CACNA1E: variants seen among roughly 807,000 people sequenced by gnomAD.
CACNA1E encodes calcium voltage-gated channel subunit alpha1 E, also known as voltage-dependent R-type calcium channel subunit alpha-1E.
CACNA1E carries 40 observed loss-of-function variants against 259.2 expected under a neutral mutation model. The ratio of observed to expected loss-of-function variants is 0.15; its 90% CI spans 0.12 to 0.20. The LOEUF (loss-of-function observed/expected upper bound fraction) is 0.20, where lower values mean the gene tolerates loss of function less well. CACNA1E is among the 10% of genes least tolerant of loss of function. The pLI is 1.00. For synonymous variants in CACNA1E, 1,104 were observed against 1,138.5 expected (o/e 0.97, Z 0.61); for missense variants, 1,874 against 3,040.1 (o/e 0.62, Z 9.02).
chr1:181,466,951 G>A (rs888845248), intron 2 of CACNA1E, among the ~76,000 whole-genome samples: 4 of 152,224 alleles, frequency 2.6e-5, no homozygotes, highest in African/African-American at 4.8e-5. Flanking sequence ...TCCTAATGGA[G>A]AGGTTAGTAA....
At chr1:181,500,030 C>T (rs776756132) in intron 1 of CACNA1E, among the ~76,000 whole-genome samples, 4 of 152,160 alleles carry the variant, frequency 2.6e-5, no homozygotes, top group South Asian at 4.1e-4. Flanking sequence ...TGGCTGCTTC[C>T]GACACACCTC....
At chr1:181,733,059 A>T (rs2102554212) in intron 20 of CACNA1E, 25 bp downstream of exon 20, 2 of 1,554,720 alleles carry the variant, frequency 1.3e-6, no homozygotes, top group Non-Finnish European at 1.7e-6. Flanking sequence ...GGGCTCCCAG[A>T]TGGATGGCAC....
At chr1:181,476,700 C>T (rs1286520050) in intron 2 of CACNA1E, among the ~76,000 whole-genome samples, 6 of 152,176 alleles carry the variant, frequency 3.9e-5, no homozygotes, top group Non-Finnish European at 5.9e-5. Flanking sequence ...CCGGGCTGAA[C>T]GAGCTTTGCA....
chr1:181,738,766 G>C (rs1326088341), intron 24 of CACNA1E, among the ~76,000 whole-genome samples: 1 of 152,230 alleles, frequency 6.6e-6, no homozygotes, highest in African/African-American at 2.4e-5. Context: ...GTAGAGATGA[G>C]TCTTCCTGGG....
At chr1:181,683,622 T>C (rs991976061) in intron 7 of CACNA1E, among the ~76,000 whole-genome samples, 2 of 152,186 alleles carry the variant, frequency 1.3e-5, no homozygotes, top group African/African-American at 4.8e-5. Flanking sequence ...CTGATATCTA[T>C]TGTTAACCTA....
At chr1:181,324,654 G>T (rs1650630037) in intron 1 of CACNA1E, among the ~76,000 whole-genome samples, 1 of 152,136 alleles carries the variant, frequency 6.6e-6, no homozygotes, top group Non-Finnish European at 1.5e-5. Flanking sequence ...ATTAGATGAT[G>T]CCTAGGACAG....
At chr1:181,655,686 C>G (rs143780895) in intron 7 of CACNA1E, among the ~76,000 whole-genome samples, 1 of 152,228 alleles carries the variant, frequency 6.6e-6, no homozygotes, top group African/African-American at 2.4e-5. Flanking sequence ...GGAATTGATT[C>G]CCAGGGCGAT....
intron 2 of CACNA1E, among the ~76,000 whole-genome samples, chr1:181,463,191 A>G (rs2102382842): frequency 6.6e-6 from 1 of 152,310 alleles, no homozygotes; most frequent in South Asian, 2.1e-4. Context: ...TTAATTTATA[A>G]ATTAGACACA....
chr1:181,529,729 C>T (rs1371438834), intron 3 of CACNA1E, among the ~76,000 whole-genome samples: 1 of 152,214 alleles, frequency 6.6e-6, no homozygotes, highest in Non-Finnish European at 1.5e-5. Context: ...TGCATGGGCC[C>T]TGCAACACCT....
intron 1 of CACNA1E, among the ~76,000 whole-genome samples, chr1:181,375,568 C>T (rs187727838): frequency 2.4e-4 from 36 of 152,272 alleles, no homozygotes; most frequent in African/African-American, 8.7e-4. Context: ...AACAATTTTC[C>T]ATCGAATGTG....
chr1:181,377,818 A>G (rs1655200148), intron 1 of CACNA1E, among the ~76,000 whole-genome samples: 1 of 152,254 alleles, frequency 6.6e-6, no homozygotes, highest in South Asian at 2.1e-4. Flanking sequence ...AAGATCATAT[A>G]GCCAATAAAC....
upstream of CACNA1E, among the ~76,000 whole-genome samples, chr1:181,482,874 T>G (rs977615651): frequency 6.6e-6 from 1 of 152,254 alleles, no homozygotes; most frequent in African/African-American, 2.4e-5. Context: ...CGCTGTTGCA[T>G]GCTGATCCGG....
In CACNA1E at chr1:181,750,472, A is replaced by G. The variant is rs764110025; in HGVS notation, c.3720-4A>G. The G allele has an allele frequency of 1.0e-4, 169 of 1,613,094 alleles. No homozygotes were observed. Among genetic ancestry groups the G allele is most frequent in the Non-Finnish European group, 1.4e-4 (161 of 1,179,438 alleles). On this transcript the variant is annotated splice_region_variant and splice_polypyrimidine_tract_variant and intron_variant, in intron 25 of 47. Coordinates refer to ENST00000367573, the MANE Select transcript of CACNA1E (RefSeq NM_001205293.3). ...CTACTGCTCTCTGATTGGATCCTCC[A>G]TAGGAACGCTTTGGGGTAAATATGT...
chr1:181,442,086 TAGC>T (rs1418881829), intron 2 of CACNA1E, among the ~76,000 whole-genome samples: 6 of 152,134 alleles, frequency 3.9e-5, no homozygotes, highest in Non-Finnish European at 8.8e-5. Context: ...CTGCAAAAAG[TAGC>T]AGCTCTGCTT....
chr1:181,339,285 C>T (rs2102626637), intron 1 of CACNA1E, among the ~76,000 whole-genome samples: 1 of 152,104 alleles, frequency 6.6e-6, no homozygotes, highest in South Asian at 2.1e-4. Context: ...ATTCTTCTAA[C>T]CCAGAAACAT....
At chr1:181,774,390 C>T (rs1295143470) in intron 37 of CACNA1E, among the ~76,000 whole-genome samples, 2 of 152,176 alleles carry the variant, frequency 1.3e-5, no homozygotes, top group African/African-American at 4.8e-5. Context: ...AAAGACAGGC[C>T]CATGTTGGGA....
chr1:181,642,151 G>A (rs175337), intron 6 of CACNA1E, among the ~76,000 whole-genome samples: 116,001 of 152,056 alleles, frequency 0.76, 45,128 homozygotes, highest in East Asian at 0.94. Flanking sequence ...TTCTACTTCC[G>A]TACCCAATAA....
intron 6 of CACNA1E, among the ~76,000 whole-genome samples, chr1:181,599,135 C>T (rs547332880): frequency 3.0e-4 from 45 of 151,968 alleles, no homozygotes; most frequent in African/African-American, 1.0e-3. Context: ...CCGATAGGCC[C>T]CAGTGTGTGT....
chr1:181,546,837 G>A (rs1414587128), intron 3 of CACNA1E, among the ~76,000 whole-genome samples: 1 of 152,186 alleles, frequency 6.6e-6, no homozygotes, highest in East Asian at 1.9e-4. Context: ...GTGTTAGCCT[G>A]GGGTAAGAAG....
Sources: allele counts gnomAD v4.1 joint callset (sites outside exome capture counted in the v4.1 genomes callset), GRCh38; gene constraint gnomAD v4.1.1; transcripts MANE v1.5; gene names NCBI Gene and HGNC (gene_info 2026-07-23, HGNC 2026-07-21).